Variants in UBXN11 observed in about 807,000 individuals in gnomAD.
The protein encoded by UBXN11 is UBX domain-containing protein 11.
Under a neutral mutation model 62.8 loss-of-function variants are expected in UBXN11, and 47 were observed. The observed-to-expected ratio is 0.75, with a 90% confidence interval of 0.59 to 0.95. The LOEUF (loss-of-function observed/expected upper bound fraction) is 0.95, where lower values mean the gene tolerates loss of function less well. Among genes scored for constraint, UBXN11 ranks in the 40% least tolerant of loss-of-function variants. The pLI, the probability that UBXN11 is intolerant of heterozygous loss-of-function variation, is 0.00. For missense variants in UBXN11, 638 were observed against 661.7 expected (o/e 0.96, Z 0.39); for synonymous variants, 294 against 267.0 (o/e 1.10, Z -0.99).
In UBXN11 at chr1:26,293,253, G is replaced by A. The variant is rs372014303; in HGVS notation, c.559+952C>T. Among the ~76,000 whole-genome samples, 103 of 152,268 alleles carry A rather than the reference G, an allele frequency of 6.8e-4. 1 individual carries two copies. The highest frequency in any genetic ancestry group is 2.4e-3 in the African/African-American group (98 of 41,562). On this transcript the variant is annotated intron_variant, in intron 8 of 14. Coordinates refer to ENST00000374222, the MANE Select transcript of UBXN11 (RefSeq NM_001389556.1). ...CACACTTGGGATAGGAGGTAGAGTC[G>A]AGTTGAGGGCCCAGGTGTGCCTGAC...
chr1:26,285,700 G>C, intron 9 of UBXN11, 123 bp downstream of exon 9: 1 of 1,395,264 alleles, frequency 7.2e-7, no homozygotes, highest in Non-Finnish European at 9.6e-7. Flanking sequence ...TCTGCAAGTC[G>C]TGTGTGGGCC....
At chr1:26,290,362 C>G (rs1239346526) in intron 8 of UBXN11, among the ~76,000 whole-genome samples, 1 of 152,092 alleles carries the variant, frequency 6.6e-6, no homozygotes, top group Non-Finnish European at 1.5e-5. Flanking sequence ...GGGGTCTGAC[C>G]CGACCTGAAC....
At chr1:26,311,399 CA>C (rs1417613121), upstream of UBXN11, among the ~76,000 whole-genome samples, 1 of 151,010 alleles carries the variant, frequency 6.6e-6, no homozygotes, top group Non-Finnish European at 1.5e-5. Context: ...CTCAGCCTCC[CA>C]AAGTGCTGGG....
chr1:26,315,648 GTTC>G (rs956930308), intron 1 of UBXN11, among the ~76,000 whole-genome samples: 5 of 152,112 alleles, frequency 3.3e-5, no homozygotes, highest in Admixed American at 1.3e-4. Flanking sequence ...TTGACTCTCA[GTTC>G]TTCTTTTCTT....
intron 8 of UBXN11, among the ~76,000 whole-genome samples, chr1:26,292,401 C>G (rs566171581): frequency 2.0e-4 from 31 of 152,280 alleles, no homozygotes; most frequent in Admixed American, 5.9e-4. Context: ...TGCCTGCAGT[C>G]CCAGCTACTC....
chr1:26,303,755 C>A (rs1284020297), intron 1 of UBXN11, among the ~76,000 whole-genome samples: 2 of 151,202 alleles, frequency 1.3e-5, no homozygotes, highest in Non-Finnish European at 2.9e-5. Flanking sequence ...CGTAATAGTA[C>A]TGGCACAGGC....
upstream of UBXN11, among the ~76,000 whole-genome samples, chr1:26,307,733 C>T (rs574791966): frequency 2.6e-5 from 4 of 151,788 alleles, no homozygotes; most frequent in South Asian, 2.1e-4. Flanking sequence ...TCAAGCTATC[C>T]TCCCATCACA....
In UBXN11 at chr1:26,297,433, G is replaced by A; in HGVS notation, c.349C>T (p.His117Tyr). The A allele has an allele frequency of 6.5e-7, 1 of 1,550,180 alleles. No individual in the cohort carries two copies. The highest frequency in any genetic ancestry group is 8.7e-7 in the Non-Finnish European group (1 of 1,146,686). The change falls in exon 6 of 15, where the codon CAC becomes TAC. Residue 117 changes from histidine to tyrosine, a missense_variant. His to Tyr is a moderately conservative substitution (Grantham distance 83, BLOSUM62 2). Transcript: ENST00000374222. ...LEDLVQTLRP[H>Y]PAEATLQRQE... ...CCCTCCAAGAGCCCCCTACCTGGGT[G>A]TGGCCGGAGGGTCTGCACCAGGTCC...
chr1:26,309,245 A>ATTTTTTTT (rs34740186), upstream of UBXN11, among the ~76,000 whole-genome samples: 86 of 112,520 alleles, frequency 7.6e-4, 4 homozygotes, highest in African/African-American at 1.9e-3. Flanking sequence ...GAGTCAATTG[A>ATTTTTTTT]TTTTTTTTTT....
chr1:26,303,402 A>G (rs555766207), intron 1 of UBXN11, among the ~76,000 whole-genome samples: 39 of 152,144 alleles, frequency 2.6e-4, no homozygotes, highest in African/African-American at 8.9e-4. Flanking sequence ...AGGTGGGTGG[A>G]TCGCCTGAGG....
At chr1:26,285,153 CA>C (rs2073097605) in intron 10 of UBXN11, 1 of 1,141,454 alleles carries the variant, frequency 8.8e-7, no homozygotes, top group Admixed American at 4.4e-5. Context: ...ACTTGGGGGA[CA>C]GCCGGGCCAC....
At chr1:26,296,051 G>T (rs2073384194) in intron 7 of UBXN11, among the ~76,000 whole-genome samples, 1 of 152,262 alleles carries the variant, frequency 6.6e-6, no homozygotes, top group South Asian at 2.1e-4. Flanking sequence ...TGCTGCCAAG[G>T]TTTTAAATTA....
chr1:26,290,149 A>G (rs914894875), intron 8 of UBXN11, among the ~76,000 whole-genome samples: 1 of 152,188 alleles, frequency 6.6e-6, no homozygotes, highest in Admixed American at 6.5e-5. Context: ...TGATCATCCA[A>G]GCCTGGGCAC....
At chr1:26,308,741 T>C (rs1386341007), upstream of UBXN11, among the ~76,000 whole-genome samples, 2 of 152,184 alleles carry the variant, frequency 1.3e-5, no homozygotes, top group African/African-American at 4.8e-5. Context: ...TGAGCCCTGC[T>C]GTGGTCTGCC....
rs1330636601 is a variant in UBXN11, at chr1:26,302,931, A to G, written c.-35-13T>C. On this transcript the variant is annotated splice_polypyrimidine_tract_variant and intron_variant, in intron 1 of 14. Coordinates refer to ENST00000374222, the MANE Select transcript of UBXN11 (RefSeq NM_001389556.1). ...TGTCAGGAACTCCCTAGAGGAATGC[A>G]GGAAGTCAGCCCCTGGGGACAGACT... The G allele has an allele frequency of 5.7e-6, 9 of 1,588,918 alleles. No individual in the cohort carries two copies. The highest frequency in any genetic ancestry group is 7.8e-6 in the Non-Finnish European group (9 of 1,160,028).
At chr1:26,283,268 A>C (rs2073046629) in intron 12 of UBXN11, among the ~76,000 whole-genome samples, 1 of 152,146 alleles carries the variant, frequency 6.6e-6, no homozygotes, top group African/African-American at 2.4e-5. Context: ...TGACTGAAGG[A>C]TGAATGGGAG....
chr1:26,297,399 G>C, intron 6 of UBXN11, 28 bp downstream of exon 6: 1 of 1,512,260 alleles, frequency 6.6e-7, no homozygotes, highest in Admixed American at 2.3e-5. Flanking sequence ...GACTGGGGGC[G>C]CAGGTCAGCC....
At chr1:26,313,579 A>G (rs2073763585) in intron 1 of UBXN11, among the ~76,000 whole-genome samples, 2 of 152,240 alleles carry the variant, frequency 1.3e-5, no homozygotes, top group South Asian at 4.2e-4. Context: ...CCCAGTGCCT[A>G]GTTCAGTACC....
Position 26,282,898 on chromosome 1 carries a change from C to G in UBXN11, c.1117G>C (p.Val373Leu). 6.2e-7 allele frequency: 1 copy of G among 1,614,208 alleles called. No homozygotes were observed. The highest frequency in any genetic ancestry group is 8.5e-7 in the Non-Finnish European group (1 of 1,180,034). The change falls in exon 13 of 15, where the codon GTG becomes CTG. Residue 373 changes from valine (V) to leucine (L), a missense_variant. Coordinates refer to ENST00000374222, the MANE Select transcript of UBXN11 (RefSeq NM_001389556.1). ...PLPARIQEIV[V>L]ETPTLAAERE... ...TCAGCGGCCAAGGTGGGCGTCTCCACCACAATCTCCTGGATCCGGGCAGGC... is the reference window on the plus strand; with the variant it reads ...TCAGCGGCCAAGGTGGGCGTCTCCAGCACAATCTCCTGGATCCGGGCAGGC...
Sources: allele counts gnomAD v4.1 joint callset (sites outside exome capture counted in the v4.1 genomes callset), GRCh38; gene constraint gnomAD v4.1.1; transcripts MANE v1.5; gene names NCBI Gene and HGNC (gene_info 2026-07-23, HGNC 2026-07-21).